The following UGT1A10 variants were observed in gnomAD, a reference collection of about 807,000 sequenced individuals.
The protein encoded by UGT1A10 is UDP glucuronosyltransferase family 1 member A10.
A neutral mutation model predicts 45.8 loss-of-function variants in UGT1A10; 49 were observed. The ratio of observed to expected loss-of-function variants is 1.07; its 90% CI spans 0.85 to 1.36. UGT1A10 has a LOEUF of 1.36. Among genes scored for constraint, UGT1A10 ranks in the 40% most tolerant of loss-of-function variants. The probability of loss-of-function intolerance (pLI) is 0.00; values close to 1 mark genes in which losing one functional copy is unlikely to be tolerated. For missense variants in UGT1A10, 745 were observed against 668.6 expected (o/e 1.11, Z -1.26); for synonymous variants, 284 against 249.7 (o/e 1.14, Z -1.29).
chr2:233,660,825 C>T (rs996319227), intron 1 of UGT1A10, among the ~76,000 whole-genome samples: 7 of 152,118 alleles, frequency 4.6e-5, no homozygotes, highest in Admixed American at 2.0e-4. Context: ...TGCTTCTCTT[C>T]ATGGGGTCTG....
At chr2:233,693,126 G>A (rs1417755680) in intron 1 of UGT1A10, 9 of 1,614,224 alleles carry the variant, frequency 5.6e-6, no homozygotes, top group South Asian at 3.3e-5. Context: ...CACTGGCTTA[G>A]TATGAAGGAT....
chr2:233,730,167 A>T (rs999058879), intron 1 of UGT1A10, among the ~76,000 whole-genome samples: 1 of 152,206 alleles, frequency 6.6e-6, no homozygotes, highest in African/African-American at 2.4e-5. Flanking sequence ...CTAGTAGCGT[A>T]TTTCAGGTTT....
Position 233,668,147 on chromosome 2 carries a change from C to G in UGT1A10, c.855+30770C>G, listed in dbSNP as rs543211012. Among the ~76,000 whole-genome samples, 114 of 152,134 alleles carry G rather than the reference C, an allele frequency of 7.5e-4. 1 individual carries two copies. The highest frequency in any genetic ancestry group is 2.7e-3 in the African/African-American group (113 of 41,514). On this transcript the variant is annotated intron_variant, in intron 1 of 4. Transcript: ENST00000344644. ...TGTATACATGTGCCGTGTTGGTTTG[C>G]TGCACCCATTAACTCGTCATTTACA...
intron 1 of UGT1A10, chr2:233,712,960 T>C (rs759299238): frequency 6.2e-7 from 1 of 1,612,820 alleles, no homozygotes; most frequent in Non-Finnish European, 8.5e-7. Context: ...CAACGTGGGG[T>C]GGACAGTCAG....
chr2:233,660,398 G>T (rs941721741), intron 1 of UGT1A10, among the ~76,000 whole-genome samples: 1 of 152,124 alleles, frequency 6.6e-6, no homozygotes, highest in African/African-American at 2.4e-5. Flanking sequence ...GAATTCATGG[G>T]GTTCTGGATG....
intron 1 of UGT1A10, chr2:233,713,514 A>T (rs763499114): frequency 2.8e-5 from 45 of 1,613,790 alleles, no homozygotes; most frequent in Admixed American, 5.0e-5. Flanking sequence ...TTTCTTGAGG[A>T]ACATTCCATG....
intron 1 of UGT1A10, among the ~76,000 whole-genome samples, chr2:233,644,244 G>A (rs1285409797): frequency 6.6e-6 from 1 of 152,184 alleles, no homozygotes; most frequent in African/African-American, 2.4e-5. Flanking sequence ...TCTGAGATCA[G>A]CAATTTCCCT....
intron 1 of UGT1A10, among the ~76,000 whole-genome samples, chr2:233,665,407 A>G (rs2074054087): frequency 6.6e-6 from 1 of 152,228 alleles, no homozygotes; most frequent in African/African-American, 2.4e-5. Flanking sequence ...GTGCATCCCC[A>G]GCAGCTTTAC....
At chr2:233,682,090 G>C in intron 1 of UGT1A10, 1 of 1,614,076 alleles carries the variant, frequency 6.2e-7, no homozygotes, top group Non-Finnish European at 8.5e-7. Context: ...TCATCCTCAG[G>C]GGGCATGAGG....
chr2:233,688,485 C>A (rs1180884659), intron 1 of UGT1A10, among the ~76,000 whole-genome samples: 1 of 152,202 alleles, frequency 6.6e-6, no homozygotes, highest in African/African-American at 2.4e-5. Context: ...CTATCTCCAT[C>A]CTTTTGGGAA....
chr2:233,637,663 CTT>C (rs2073335446), intron 1 of UGT1A10, among the ~76,000 whole-genome samples: 1 of 152,080 alleles, frequency 6.6e-6, no homozygotes, highest in African/African-American at 2.4e-5. Flanking sequence ...AGAAATGAAA[CTT>C]CCGTTTTTTG....
At chr2:233,670,093 A>G (rs564949161) in intron 1 of UGT1A10, among the ~76,000 whole-genome samples, 2 of 152,368 alleles carry the variant, frequency 1.3e-5, no homozygotes, top group East Asian at 1.9e-4. Context: ...GGCATGTTAT[A>G]TGTGTTATAT....
chr2:233,657,523 C>G (rs901618600), intron 1 of UGT1A10, among the ~76,000 whole-genome samples: 3 of 152,170 alleles, frequency 2.0e-5, no homozygotes, highest in Non-Finnish European at 2.9e-5. Context: ...CAGGAACTCA[C>G]CCATTATCGG....
Position 233,710,338 on chromosome 2 carries a change from C to T in UGT1A10, c.856-56696C>T, listed in dbSNP as rs976362588. On this transcript the variant is annotated intron_variant, in intron 1 of 4. Coordinates refer to ENST00000344644, the MANE Select transcript of UGT1A10 (RefSeq NM_019075.4). ...TATGTATGACTTCATAAGAAACAGT[C>T]GAACTGTTTCCAAAGCAGTTATACA... 2.6e-5 allele frequency among the ~76,000 whole-genome samples: 4 copies of T among 152,160 alleles called. No homozygotes were observed. The South Asian group carries it at 6.2e-4, about 24-fold the overall frequency.
intron 1 of UGT1A10, chr2:233,744,035 C>T (rs367793428): frequency 5.3e-5 from 42 of 799,694 alleles, no homozygotes; most frequent in Admixed American, 1.0e-4. Flanking sequence ...CCCCTTATGA[C>T]GCAGCCACAT....
chr2:233,760,775 A>G, intron 1 of UGT1A10: 2 of 1,613,738 alleles, frequency 1.2e-6, no homozygotes, highest in Non-Finnish European at 1.7e-6. Context: ...GTGGCCCAGT[A>G]CCTGTCTCTG....
intron 1 of UGT1A10, among the ~76,000 whole-genome samples, chr2:233,730,198 G>A (rs544900257): frequency 2.0e-5 from 3 of 152,306 alleles, no homozygotes; most frequent in South Asian, 4.2e-4. Context: ...CTGAGAGGAA[G>A]AGGAAGTAGA....
At chr2:233,672,309 GA>G in intron 1 of UGT1A10, 1 of 1,613,968 alleles carries the variant, frequency 6.2e-7, no homozygotes, top group Non-Finnish European at 8.5e-7. Flanking sequence ...CAAATTGCAG[GA>G]GTTTGTTTAA....
intron 1 of UGT1A10, among the ~76,000 whole-genome samples, chr2:233,697,925 G>A (rs1053840529): frequency 6.6e-6 from 1 of 152,092 alleles, no homozygotes; most frequent in Non-Finnish European, 1.5e-5. Flanking sequence ...TAGAAGTCTA[G>A]GGTATTGGAA....
Sources: gnomAD v4.1 joint callset for allele counts (sites outside exome capture counted in the v4.1 genomes callset) on GRCh38, gnomAD v4.1.1 for gene constraint, MANE v1.5 for transcripts, NCBI Gene and HGNC (gene_info 2026-07-23, HGNC 2026-07-21) for gene names.